Variants in CTNNA2 observed in about 807,000 individuals in gnomAD.
CTNNA2 encodes catenin alpha 2, also known as catenin alpha-2.
CTNNA2 carries 42 observed loss-of-function variants against 101.0 expected under a neutral mutation model. That is an observed-to-expected ratio of 0.42 (90% CI 0.32 to 0.54). The LOEUF (loss-of-function observed/expected upper bound fraction) is 0.54. Among genes scored for constraint, CTNNA2 ranks in the 20% least tolerant of loss-of-function variants. The pLI, the probability that CTNNA2 is intolerant of heterozygous loss-of-function variation, is 0.14. For missense variants in CTNNA2, 871 were observed against 1,223.1 expected (o/e 0.71, Z 4.29); for synonymous variants, 450 against 456.4 (o/e 0.99, Z 0.18).
chr2:80,066,048 G>A (rs189808761), intron 7 of CTNNA2, among the ~76,000 whole-genome samples: 2 of 152,330 alleles, frequency 1.3e-5, no homozygotes, highest in East Asian at 1.9e-4. Context: ...AAAAGCTACT[G>A]TGGTAGCCAG....
chr2:79,403,376 A>T (rs1320964665), intron 4 of CTNNA2, among the ~76,000 whole-genome samples: 1 of 151,992 alleles, frequency 6.6e-6, no homozygotes, highest in Non-Finnish European at 1.5e-5. Flanking sequence ...CACTGGTCAC[A>T]TATGGTTATT....
upstream of CTNNA2, among the ~76,000 whole-genome samples, chr2:79,511,439 A>G (rs1671537006): frequency 6.6e-6 from 1 of 152,210 alleles, no homozygotes; most frequent in Admixed American, 6.5e-5. Context: ...TTCATGAAGC[A>G]CATCGTGTGC....
intron 7 of CTNNA2, among the ~76,000 whole-genome samples, chr2:80,040,986 A>G (rs971727691): frequency 3.3e-5 from 5 of 152,026 alleles, no homozygotes; most frequent in African/African-American, 1.2e-4. Flanking sequence ...CAATCCACAC[A>G]ATGGAATATG....
intron 1 of CTNNA2, among the ~76,000 whole-genome samples, chr2:79,551,947 C>T (rs1674128837): frequency 6.6e-6 from 1 of 152,118 alleles, no homozygotes; most frequent in African/African-American, 2.4e-5. Flanking sequence ...GAAATTTGGG[C>T]AGGGACACAA....
intron 2 of CTNNA2, among the ~76,000 whole-genome samples, chr2:79,242,198 G>C (rs548782861): frequency 1.3e-5 from 2 of 151,982 alleles, no homozygotes; most frequent in Non-Finnish European, 2.9e-5. Context: ...GAGCCACCGC[G>C]CCTGGCACAT....
At chr2:80,360,296 G>T (rs1013543563) in intron 7 of CTNNA2, among the ~76,000 whole-genome samples, 9 of 152,058 alleles carry the variant, frequency 5.9e-5, no homozygotes, top group African/African-American at 2.2e-4. Context: ...CATTTTGATG[G>T]ATAATTATGA....
intron 7 of CTNNA2, among the ~76,000 whole-genome samples, chr2:79,940,454 T>C (rs892761084): frequency 2.0e-5 from 3 of 152,236 alleles, no homozygotes; most frequent in African/African-American, 7.2e-5. Flanking sequence ...TACTCATTGC[T>C]GCTATTATAA....
chr2:79,606,268 TTTTG>T (rs1292009475), intron 1 of CTNNA2, among the ~76,000 whole-genome samples: 2 of 152,142 alleles, frequency 1.3e-5, no homozygotes, highest in African/African-American at 2.4e-5. Context: ...TTGAGTGTTT[TTTTG>T]TTTGTTTATT....
In CTNNA2 at chr2:79,488,947, C is replaced by A. The variant is rs553521282; in HGVS notation, c.-134-16107C>A. 2.0e-5 allele frequency among the ~76,000 whole-genome samples: 3 copies of A among 152,210 alleles called. No homozygotes were observed. The South Asian group carries it at 6.2e-4, about 32-fold the overall frequency. On this transcript the variant is annotated intron_variant, in intron 4 of 21. Coordinates refer to the CTNNA2 transcript ENST00000466387. ...CAAAGTTGTCCACAATATTTTAGTT[C>A]CTAAATCTAATTAACCTTTTATCTG...
intron 9 of CTNNA2, among the ~76,000 whole-genome samples, chr2:80,495,023 C>G (rs911077669): frequency 1.3e-5 from 2 of 152,084 alleles, no homozygotes; most frequent in African/African-American, 4.8e-5. Flanking sequence ...TGTGGTGGCT[C>G]CTGGTTCTAC....
intron 18 of CTNNA2, among the ~76,000 whole-genome samples, chr2:80,626,336 G>C (rs1671681442): frequency 6.6e-6 from 1 of 151,918 alleles, no homozygotes; most frequent in Non-Finnish European, 1.5e-5. Context: ...TTCATCTTTT[G>C]GTCTAAGATG....
At chr2:79,200,121 T>C (rs1266474855) in intron 2 of CTNNA2, among the ~76,000 whole-genome samples, 1 of 152,132 alleles carries the variant, frequency 6.6e-6, no homozygotes, top group Non-Finnish European at 1.5e-5. Context: ...GAAAGTATCC[T>C]GCCTGTAATC....
intron 7 of CTNNA2, among the ~76,000 whole-genome samples, chr2:80,193,043 C>A (rs1383757453): frequency 6.6e-6 from 1 of 152,060 alleles, no homozygotes; most frequent in Non-Finnish European, 1.5e-5. Flanking sequence ...AAATTACTGT[C>A]CCTCAATTCT....
intron 2 of CTNNA2, among the ~76,000 whole-genome samples, chr2:79,672,731 G>A (rs1271133972): frequency 2.9e-5 from 4 of 137,390 alleles, no homozygotes; most frequent in African/African-American, 5.4e-5. Flanking sequence ...TTTTTGAGAC[G>A]GAGTTTTGCT....
At chr2:80,619,598 G>C (rs1386264790) in intron 18 of CTNNA2, among the ~76,000 whole-genome samples, 2 of 151,772 alleles carry the variant, frequency 1.3e-5, no homozygotes, top group African/African-American at 2.4e-5. Flanking sequence ...AAGATTTCAG[G>C]GTCATGAAAT....
In CTNNA2 at chr2:79,291,833, A is replaced by T. The variant is rs1023846507; in HGVS notation, c.-405-20876A>T. 9.8e-5 allele frequency among the ~76,000 whole-genome samples: 15 copies of T among 152,344 alleles called. 1 individual carries two copies. Among genetic ancestry groups the T allele is most frequent in the Admixed American group, 9.1e-4 (14 of 15,306 alleles). ...ATTTATTTTTATTTATTACATACAT[A>T]TTCAGAAAGAAAATTATTTACCTGT... On this transcript the variant is annotated intron_variant, in intron 2 of 21. Transcript: ENST00000466387.
chr2:80,305,016 C>T (rs1179851669), intron 7 of CTNNA2: 15 of 967,250 alleles, frequency 1.6e-5, no homozygotes, highest in Non-Finnish European at 1.8e-5. Flanking sequence ...CTGTGCTCTC[C>T]CCCTTGCCTT....
chr2:79,702,268 A>G (rs890331992), intron 2 of CTNNA2, among the ~76,000 whole-genome samples: 1 of 140,234 alleles, frequency 7.1e-6, no homozygotes, highest in Non-Finnish European at 1.5e-5. Context: ...ATTGAACTGT[A>G]TACCATGATG....
intron 2 of CTNNA2, among the ~76,000 whole-genome samples, chr2:79,741,700 A>G (rs1335177863): frequency 6.6e-6 from 1 of 151,916 alleles, no homozygotes; most frequent in East Asian, 1.9e-4. Flanking sequence ...TGTTGTATTT[A>G]GCCACCTTGC....
Sources: gnomAD v4.1 joint callset for allele counts (sites outside exome capture counted in the v4.1 genomes callset) on GRCh38, gnomAD v4.1.1 for gene constraint, MANE v1.5 for transcripts, NCBI Gene and HGNC (gene_info 2026-07-23, HGNC 2026-07-21) for gene names.